LARGE1: variants seen among roughly 807,000 people sequenced by gnomAD.
LARGE1 encodes xylosyl- and glucuronyltransferase LARGE1.
LARGE1 carries 43 observed loss-of-function variants against 87.6 expected under a neutral mutation model. The ratio of observed to expected loss-of-function variants is 0.49; its 90% CI spans 0.38 to 0.63. The LOEUF (loss-of-function observed/expected upper bound fraction) is 0.63, where lower values mean the gene tolerates loss of function less well. LARGE1 is among the 30% of genes least tolerant of loss of function. The pLI is 0.00. For missense variants in LARGE1, 802 were observed against 1,000.2 expected (o/e 0.80, Z 2.67); for synonymous variants, 434 against 394.6 (o/e 1.10, Z -1.18).
chr22:33,916,874 C>T (rs567329507), intron 1 of LARGE1, among the ~76,000 whole-genome samples: 6 of 152,290 alleles, frequency 3.9e-5, no homozygotes, highest in Admixed American at 2.0e-4. Flanking sequence ...ATGGCAAATG[C>T]GATGGTATTT....
At chr22:33,455,912 CG>C (rs1262491546) in intron 6 of LARGE1, among the ~76,000 whole-genome samples, 1 of 152,104 alleles carries the variant, frequency 6.6e-6, no homozygotes, top group African/African-American at 2.4e-5. Flanking sequence ...TTGTGGGTAT[CG>C]GGGCTGCAAG....
At chr22:33,864,597 A>G (rs946405222) in intron 1 of LARGE1, among the ~76,000 whole-genome samples, 9 of 152,134 alleles carry the variant, frequency 5.9e-5, no homozygotes, top group African/African-American at 2.2e-4. Context: ...TGTTTACCAC[A>G]CTATCCCCAG....
chr22:33,545,781 G>A (rs759490183), intron 6 of LARGE1, among the ~76,000 whole-genome samples: 2 of 152,064 alleles, frequency 1.3e-5, no homozygotes, highest in African/African-American at 2.4e-5. Context: ...ACAGGGTTTC[G>A]CCATGTTGCC....
At chr22:33,920,704 G>C (rs1278405578), upstream of LARGE1, among the ~76,000 whole-genome samples, 1 of 145,430 alleles carries the variant, frequency 6.9e-6, no homozygotes, top group Admixed American at 6.8e-5. Context: ...CGGTGGGTGC[G>C]GGGAGCCGAG....
chr22:33,697,158 T>C (rs1326608758), intron 2 of LARGE1, among the ~76,000 whole-genome samples: 1 of 152,126 alleles, frequency 6.6e-6, no homozygotes, highest in African/African-American at 2.4e-5. Context: ...CTGGCAAGCA[T>C]GAACAAGGGA....
chr22:33,762,711 G>A (rs1023095707), intron 1 of LARGE1, among the ~76,000 whole-genome samples: 1 of 152,206 alleles, frequency 6.6e-6, no homozygotes, highest in Admixed American at 6.5e-5. Context: ...GGAAGAGGGA[G>A]CAGGTTGGTG....
At chr22:33,340,169 TG>T (rs995923216) in intron 9 of LARGE1, among the ~76,000 whole-genome samples, 1 of 151,718 alleles carries the variant, frequency 6.6e-6, no homozygotes, top group Non-Finnish European at 1.5e-5. Flanking sequence ...ATTTTACAGA[TG>T]GGGAAGTAGA....
intron 1 of LARGE1, among the ~76,000 whole-genome samples, chr22:33,814,180 T>G (rs956964308): frequency 2.0e-5 from 3 of 152,180 alleles, no homozygotes; most frequent in African/African-American, 7.2e-5. Context: ...GCTAGTCAGA[T>G]GGACTGTCAA....
chr22:33,501,700 G>A (rs553057642), intron 6 of LARGE1, among the ~76,000 whole-genome samples: 96 of 152,284 alleles, frequency 6.3e-4, no homozygotes, highest in Non-Finnish European at 1.2e-3. Context: ...GGCGGCAGGC[G>A]GCCTGGACTA....
chr22:33,225,803 C>T (rs1023621109), intron 11 of LARGE1, among the ~76,000 whole-genome samples: 1 of 152,166 alleles, frequency 6.6e-6, no homozygotes, highest in African/African-American at 2.4e-5. Context: ...TAAATGATAA[C>T]ATGTGGTATT....
intron 3 of LARGE1, among the ~76,000 whole-genome samples, chr22:33,630,412 T>A (rs2080070955): frequency 6.6e-6 from 1 of 152,048 alleles, no homozygotes. Flanking sequence ...AACTTTAGAG[T>A]CCACTTACAC....
intron 11 of LARGE1, among the ~76,000 whole-genome samples, chr22:33,226,040 A>G (rs1925717061): frequency 6.6e-6 from 1 of 152,176 alleles, no homozygotes; most frequent in East Asian, 1.9e-4. Flanking sequence ...ATGAGTCTTT[A>G]TGGTAGAATT....
chr22:33,240,495 T>A (rs1352848122), intron 11 of LARGE1, among the ~76,000 whole-genome samples: 1 of 152,196 alleles, frequency 6.6e-6, no homozygotes, highest in Admixed American at 6.5e-5. Flanking sequence ...ACCACATACA[T>A]GTGGGTGCAT....
At position 33,263,161 on chromosome 22, in the gene LARGE1, G is replaced by A. The variant is rs147848068; in HGVS notation, c.1730+41068C>T. Among the ~76,000 whole-genome samples, 1,255 of 152,166 alleles carry A rather than the reference G, an allele frequency of 8.2e-3. 8 individuals are homozygous for A. Among genetic ancestry groups the A allele is most frequent in the Middle Eastern group, 0.02 (6 of 294 alleles). ...CGCCACCTCAGCCTCCCAAAGTGCCGGGATTACAGACATGAGCCACTGTGC... is the reference window on the plus strand; with the variant it reads ...CGCCACCTCAGCCTCCCAAAGTGCCAGGATTACAGACATGAGCCACTGTGC... On this transcript the variant is annotated intron_variant, in intron 11 of 11. Coordinates refer to the LARGE1 transcript ENST00000608642.
rs141089495 is a variant in LARGE1, at chr22:33,277,171, C to T, written c.1962G>A (p.Glu654=). ...CAACAACATACGGCTCAAAATCGGC[C>T]TCCCACTCAACCCGGTAAGGCGTGG... The part of the protein sequence containing the change: ...TATTPYRVEW[E]ADFEPYVVVR... Residue 654 remains glutamate (E), a synonymous_variant, in exon 14 of 15, where the codon GAG becomes GAA. Transcript: ENST00000397394. The T allele has an allele frequency of 1.1e-3, 1,815 of 1,614,144 alleles. No individual in the cohort carries two copies. Among genetic ancestry groups the T allele is most frequent in the Non-Finnish European group, 1.4e-3 (1,695 of 1,180,058 alleles).
intron 6 of LARGE1, among the ~76,000 whole-genome samples, chr22:33,528,602 G>T (rs972550576): frequency 2.0e-5 from 3 of 152,184 alleles, no homozygotes; most frequent in Non-Finnish European, 4.4e-5. Flanking sequence ...GAACCACTCT[G>T]TGTTGGGTGA....
chr22:33,626,237 T>C lies in LARGE1; in HGVS notation c.491+7A>G. The C allele has an allele frequency of 6.2e-7, 1 of 1,613,300 alleles. No homozygotes were observed. Among genetic ancestry groups the C allele is most frequent in the Non-Finnish European group, 8.5e-7 (1 of 1,179,248 alleles). On this transcript the variant is annotated splice_region_variant and intron_variant, in intron 4 of 14. Coordinates refer to ENST00000397394, the MANE Select transcript of LARGE1 (RefSeq NM_133642.5). ...CTCAGCCCACACAGCACAGAAGTTG[T>C]TCTTACCTATGGAACAGGACGGATT...
chr22:33,266,791 T>C (rs1283526674), intron 11 of LARGE1, among the ~76,000 whole-genome samples: 3 of 151,536 alleles, frequency 2.0e-5, no homozygotes, highest in East Asian at 1.9e-4. Context: ...ATTTACTCCA[T>C]GCTCCCTGTC....
At chr22:33,204,839 G>T (rs577674443) in intron 11 of LARGE1, among the ~76,000 whole-genome samples, 8 of 151,714 alleles carry the variant, frequency 5.3e-5, no homozygotes, top group Non-Finnish European at 1.2e-4. Flanking sequence ...ACTATAGAAG[G>T]GTTCTGTTGA....
Sources: gnomAD v4.1 joint callset for allele counts (sites outside exome capture counted in the v4.1 genomes callset) on GRCh38, gnomAD v4.1.1 for gene constraint, MANE v1.5 for transcripts, NCBI Gene and HGNC (gene_info 2026-07-23, HGNC 2026-07-21) for gene names.